SF3B3: variants seen among roughly 807,000 people sequenced by gnomAD.
SF3B3 encodes splicing factor 3b subunit 3, also known as SAP 130.
SF3B3 carries 33 observed loss-of-function variants against 139.2 expected under a neutral mutation model. The observed-to-expected ratio is 0.24, with a 90% CI of 0.18 to 0.32. SF3B3 has a LOEUF of 0.32. Among genes scored for constraint, SF3B3 ranks in the 10% least tolerant of loss-of-function variants. The probability of loss-of-function intolerance (pLI) is 1.00; values close to 1 mark genes in which losing one functional copy is unlikely to be tolerated. For synonymous variants in SF3B3, 596 were observed against 563.6 expected (o/e 1.06, Z -0.81); for missense variants, 818 against 1,509.4 (o/e 0.54, Z 7.59).
At chr16:70,561,482 C>G in intron 16 of SF3B3, 148 bp from the exon 17 acceptor site, 1 of 699,568 alleles carries the variant, frequency 1.4e-6, no homozygotes, top group East Asian at 2.5e-5. Flanking sequence ...CTCTAGCCCT[C>G]TTTTTCTTAA....
Position 70,565,127 on chromosome 16 carries a change from C to T in SF3B3, c.2526C>T (p.Phe842=), listed in dbSNP as rs1369226657. The T allele has an allele frequency of 6.2e-7, 1 of 1,614,028 alleles. No homozygotes were observed. Among genetic ancestry groups the T allele is most frequent in the African/African-American group, 1.3e-5 (1 of 74,922 alleles). ...TGGCCGCAGAGATGGCAGCAGCATTCCTCAATGAAAACCTCCCTGAATCCA... is the reference window on the plus strand; with the variant it reads ...TGGCCGCAGAGATGGCAGCAGCATTTCTCAATGAAAACCTCCCTGAATCCA... ...RELAAEMAAA[F]LNENLPESIF... is the part of the protein sequence containing the mutation. The change falls in exon 19 of 26, where the codon TTC becomes TTT. Residue 842 remains phenylalanine (F), a synonymous_variant. Transcript: ENST00000302516.
intron 1 of SF3B3, among the ~76,000 whole-genome samples, chr16:70,525,933 C>T (rs1036916927): frequency 3.5e-5 from 5 of 141,752 alleles, no homozygotes; most frequent in Non-Finnish European, 7.5e-5. Context: ...TGCACTCCAG[C>T]CTGGGCGACA....
chr16:70,564,996 C>T, intron 18 of SF3B3, 69 bp from the exon 19 acceptor site: 1 of 1,453,184 alleles, frequency 6.9e-7, no homozygotes, highest in Non-Finnish European at 9.7e-7. Context: ...GTTCTTGCTA[C>T]CTATCCTCTT....
At chr16:70,561,383 G>A in intron 16 of SF3B3, 2 of 378,222 alleles carry the variant, frequency 5.3e-6, no homozygotes, top group Non-Finnish European at 9.4e-6. Flanking sequence ...TTACACACGT[G>A]GAAGCAGGCT....
intron 2 of SF3B3, among the ~76,000 whole-genome samples, chr16:70,528,504 C>G (rs2050088615): frequency 1.5e-5 from 2 of 136,786 alleles, no homozygotes; most frequent in South Asian, 4.7e-4. Context: ...CGATATCTTG[C>G]TGCGTTTCCC....
chr16:70,528,961 A>C lies in SF3B3; in HGVS notation c.159A>C (p.Leu53=), dbSNP rs35825785. ...CCAACACTGGCAAAGTACATACCCT[A>C]CTCACTGTGGAAGTATTCGGTGTTA... ...PDPNTGKVHT[L]LTVEVFGVIR... is the part of the protein sequence containing the mutation. Residue 53 remains leucine, a synonymous_variant, in exon 3 of 26, where the codon CTA becomes CTC. Coordinates refer to ENST00000302516, the MANE Select transcript of SF3B3 (RefSeq NM_012426.5). The C allele has an allele frequency of 1.2e-6, 2 of 1,613,772 alleles. No individual in the cohort carries two copies. The highest frequency in any genetic ancestry group is 1.7e-5 in the Admixed American group (1 of 59,978).
intron 10 of SF3B3, among the ~76,000 whole-genome samples, chr16:70,546,591 C>T (rs1282084123): frequency 6.6e-6 from 1 of 151,992 alleles, no homozygotes; most frequent in Admixed American, 6.6e-5. Context: ...GTAGAGGTTG[C>T]AGTGAGCCGA....
At chr16:70,545,639 G>T (rs966849096) in intron 10 of SF3B3, among the ~76,000 whole-genome samples, 6 of 152,164 alleles carry the variant, frequency 3.9e-5, no homozygotes, top group Non-Finnish European at 8.8e-5. Context: ...CAAGAGGCCT[G>T]CTACCTGTTT....
At chr16:70,566,328 C>T (rs1366620897) in intron 20 of SF3B3, among the ~76,000 whole-genome samples, 3 of 151,652 alleles carry the variant, frequency 2.0e-5, no homozygotes, top group Non-Finnish European at 4.4e-5. Context: ...TTTGGAAGGC[C>T]GAGGTGGGCG....
At position 70,571,983 on chromosome 16, in the gene SF3B3, T is replaced by C; in HGVS notation, c.*170T>C. 1.2e-6 allele frequency: 1 copy of C among 811,552 alleles called. No homozygotes were observed. Among genetic ancestry groups the C allele is most frequent in the Non-Finnish European group, 2.0e-6 (1 of 506,556 alleles). 50.3% of individuals were successfully genotyped at this position (811,552 alleles called of 1,614,324 possible). On this transcript the variant is annotated 3_prime_UTR_variant, in exon 26 of 26. Transcript: ENST00000302516. ...AGCTCTTCTCCTGGAATGACTGGCTTCCCCTCAAATTGGCACTGAGATTTG... is the reference window on the plus strand; with the variant it reads ...AGCTCTTCTCCTGGAATGACTGGCTCCCCCTCAAATTGGCACTGAGATTTG...
Position 70,564,044 on chromosome 16 carries a change from G to A in SF3B3, c.2457G>A (p.Met819Ile). 1 of 1,613,984 alleles carries A rather than the reference G, an allele frequency of 6.2e-7. No individual in the cohort carries two copies. The highest frequency in any genetic ancestry group is 8.5e-7 in the Non-Finnish European group (1 of 1,179,986). Reference sequence around the variant, plus strand: ...CGAAAGCTCAGAGAAAGCAGCAGATGGCAGAGGTAATGAGACTAACGTTCA... The same window carrying A: ...CGAAAGCTCAGAGAAAGCAGCAGATAGCAGAGGTAATGAGACTAACGTTCA... ...EATKAQRKQQ[M>I]AEEMVEAAGE... Residue 819 changes from methionine (M) to isoleucine (I), a missense_variant, in exon 18 of 26, where the codon ATG (methionine) becomes ATA (isoleucine). Coordinates refer to ENST00000302516, the MANE Select transcript of SF3B3 (RefSeq NM_012426.5).
chr16:70,554,782 A>ATCAC (rs1174585229), intron 12 of SF3B3, among the ~76,000 whole-genome samples, 185 bp downstream of exon 12: 1 of 152,236 alleles, frequency 6.6e-6, no homozygotes, highest in Non-Finnish European at 1.5e-5. Context: ...ACAGAGCCAC[A>ATCAC]TCACTGCAGC....
intron 10 of SF3B3, among the ~76,000 whole-genome samples, chr16:70,548,086 G>C (rs894316331): frequency 6.6e-6 from 1 of 152,204 alleles, no homozygotes; most frequent in African/African-American, 2.4e-5. Context: ...CTGTTCTGAG[G>C]ATGATCAAGG....
chr16:70,530,323 T>TG (rs2050109274), intron 3 of SF3B3, among the ~76,000 whole-genome samples: 1 of 140,548 alleles, frequency 7.1e-6, no homozygotes, highest in Non-Finnish European at 1.5e-5. Flanking sequence ...TCTTTTTTTT[T>TG]TTTTTTTTCA....
intron 1 of SF3B3, among the ~76,000 whole-genome samples, chr16:70,525,543 G>A (rs2050053753): frequency 6.6e-6 from 1 of 152,176 alleles, no homozygotes; most frequent in African/African-American, 2.4e-5. Flanking sequence ...GCGGGGAGCT[G>A]TTCAGGGATT....
intron 10 of SF3B3, 136 bp from the exon 11 acceptor site, chr16:70,548,234 C>A: frequency 1.4e-6 from 1 of 691,684 alleles, no homozygotes. Flanking sequence ...ATTCTTCTTT[C>A]ACTAGGTGGT....
intron 1 of SF3B3, chr16:70,524,159 A>G: frequency 3.2e-6 from 1 of 308,244 alleles, no homozygotes; most frequent in African/African-American, 2.1e-5. Context: ...GCTCGTGGAG[A>G]TTGCTTTTAA....
chr16:70,548,595 G>A, intron 11 of SF3B3, 153 bp downstream of exon 11: 8 of 618,536 alleles, frequency 1.3e-5, no homozygotes, highest in South Asian at 4.1e-5. Context: ...AGGCTCTTCC[G>A]TTCAGGATGC....
At chr16:70,537,880 T>A in intron 6 of SF3B3, 3 of 374,718 alleles carry the variant, frequency 8.0e-6, no homozygotes, top group South Asian at 6.1e-5. Flanking sequence ...TAGAGACCAG[T>A]CTGGGCAACA....
Sources: allele counts gnomAD v4.1 joint callset (sites outside exome capture counted in the v4.1 genomes callset), GRCh38; gene constraint gnomAD v4.1.1; transcripts MANE v1.5; gene names NCBI Gene and HGNC (gene_info 2026-07-23, HGNC 2026-07-21).